The following STAU2 variants were observed in gnomAD, a reference collection of about 807,000 sequenced individuals.
The protein encoded by STAU2 is double-stranded RNA-binding protein Staufen homolog 2.
In STAU2, 20 loss-of-function variants were observed where a neutral mutation model predicts 65.9. That is an observed-to-expected ratio of 0.30 (90% CI 0.21 to 0.44). The LOEUF (loss-of-function observed/expected upper bound fraction) is 0.44, where lower values mean the gene tolerates loss of function less well. Among genes scored for constraint, STAU2 ranks in the 20% least tolerant of loss-of-function variants. The pLI is 1.00. For missense variants in STAU2, 558 were observed against 683.9 expected, an observed-to-expected ratio of 0.82 and a Z score of 2.05; for synonymous variants, 232 against 233.9, an observed-to-expected ratio of 0.99 and a Z score of 0.07.
chr8:73,547,666 T>C (rs540583645), intron 13 of STAU2, among the ~76,000 whole-genome samples: 104 of 151,796 alleles, frequency 6.9e-4, no homozygotes, highest in Non-Finnish European at 1.0e-4. Context: ...ATTTTTAAGA[T>C]TTTAATGGCA....
intron 13 of STAU2, among the ~76,000 whole-genome samples, chr8:73,497,104 A>AT (rs1821461686): frequency 1.3e-5 from 2 of 151,854 alleles, no homozygotes; most frequent in South Asian, 4.1e-4. Flanking sequence ...TTTTTCTAAC[A>AT]TTGAACAATC....
upstream of STAU2, chr8:73,747,395 G>A: frequency 6.5e-7 from 1 of 1,535,418 alleles, no homozygotes; most frequent in Non-Finnish European, 8.7e-7. Flanking sequence ...ACCTTTCCCA[G>A]GCTCTCCGGC....
intron 11 of STAU2, among the ~76,000 whole-genome samples, chr8:73,583,402 T>G (rs1810136456): frequency 6.6e-6 from 1 of 152,076 alleles, no homozygotes; most frequent in African/African-American, 2.4e-5. Flanking sequence ...CACTTTGGCC[T>G]CCCAAAGTGC....
intron 13 of STAU2, among the ~76,000 whole-genome samples, chr8:73,528,244 G>C (rs996816677): frequency 2.0e-5 from 3 of 152,148 alleles, no homozygotes; most frequent in African/African-American, 7.2e-5. Flanking sequence ...TATTTCTACA[G>C]TATAGTCCCT....
At chr8:73,494,620 T>C (rs1406466620) in intron 13 of STAU2, among the ~76,000 whole-genome samples, 2 of 151,760 alleles carry the variant, frequency 1.3e-5, no homozygotes, top group Non-Finnish European at 3.0e-5. Flanking sequence ...ACAATAAAAC[T>C]GGTTCTGCTT....
intron 14 of STAU2, among the ~76,000 whole-genome samples, chr8:73,422,080 C>T (rs550451447): frequency 3.9e-4 from 59 of 152,070 alleles, no homozygotes; most frequent in South Asian, 1.9e-3. Context: ...GAAATAATTA[C>T]GACAGCTGCA....
intron 13 of STAU2, among the ~76,000 whole-genome samples, chr8:73,529,316 C>T (rs1805648689): frequency 6.6e-6 from 1 of 152,148 alleles, no homozygotes; most frequent in Non-Finnish European, 1.5e-5. Flanking sequence ...AATGCTGGCA[C>T]TAAAATAATA....
intron 13 of STAU2, among the ~76,000 whole-genome samples, chr8:73,459,394 T>C (rs777676824): frequency 6.6e-6 from 1 of 152,198 alleles, no homozygotes; most frequent in Admixed American, 6.5e-5. Context: ...TCTATAGAAA[T>C]AGCCTTTGAG....
chr8:73,589,700 A>C (rs1563442528), intron 11 of STAU2, among the ~76,000 whole-genome samples: 1 of 152,210 alleles, frequency 6.6e-6, no homozygotes, highest in Non-Finnish European at 1.5e-5. Flanking sequence ...AAAATCCTAT[A>C]AGACAATACC....
chr8:73,545,978 T>C (rs549719689), intron 13 of STAU2, among the ~76,000 whole-genome samples: 2 of 151,594 alleles, frequency 1.3e-5, no homozygotes, highest in East Asian at 3.9e-4. Flanking sequence ...GGTCTTGCTC[T>C]GTCATCCAAG....
intron 3 of STAU2, among the ~76,000 whole-genome samples, chr8:73,709,842 C>A (rs578096633): frequency 1.3e-5 from 2 of 151,954 alleles, no homozygotes; most frequent in Non-Finnish European, 2.9e-5. Context: ...TTATCTTTTA[C>A]AGAGTATTGA....
chr8:73,701,952 T>C (rs1182896987), intron 4 of STAU2, among the ~76,000 whole-genome samples: 1 of 152,188 alleles, frequency 6.6e-6, no homozygotes, highest in African/African-American at 2.4e-5. Context: ...GACGTCACTA[T>C]GTTAAGTGAA....
chr8:73,631,279 A>G lies in STAU2; in HGVS notation c.411-13828T>C, dbSNP rs1283403077. Among the ~76,000 whole-genome samples the G allele has an allele frequency of 2.0e-5, 3 of 152,094 alleles. No individual in the cohort carries two copies. In the East Asian group the frequency reaches 5.8e-4, roughly 29 times the overall value. ...GGAGGCAGGAGCATTGCTTGAGCCC[A>G]GGAATTCAAGGGTACAGTGAGCTCA... On this transcript the variant is annotated intron_variant, in intron 6 of 14. Coordinates refer to ENST00000524300, the MANE Select transcript of STAU2 (RefSeq NM_001164380.2).
At chr8:73,582,644 T>C (rs532246436) in intron 12 of STAU2, 126 bp downstream of exon 12, 99 of 801,508 alleles carry the variant, frequency 1.2e-4, no homozygotes, top group Middle Eastern at 2.4e-4. Flanking sequence ...CCAGGACTCC[T>C]TTGTACCCTC....
intron 13 of STAU2, among the ~76,000 whole-genome samples, chr8:73,444,507 G>C (rs1429106298): frequency 5.9e-5 from 9 of 152,166 alleles, no homozygotes; most frequent in Admixed American, 5.9e-4. Flanking sequence ...AGGCTGAGGA[G>C]TGTAGCTGTG....
At chr8:73,494,370 GTATTCACTA>G (rs971328455) in intron 13 of STAU2, among the ~76,000 whole-genome samples, 2 of 151,554 alleles carry the variant, frequency 1.3e-5, no homozygotes, top group Admixed American at 6.6e-5. Flanking sequence ...AGGTATGTGG[GTATTCACTA>G]TAAAATTCCG....
chr8:73,739,515 T>C (rs1038978385), intron 2 of STAU2, among the ~76,000 whole-genome samples: 2 of 152,120 alleles, frequency 1.3e-5, no homozygotes, highest in Non-Finnish European at 2.9e-5. Context: ...AGTACACACA[T>C]ACATACACAA....
At chr8:73,572,676 G>A (rs976908619) in intron 12 of STAU2, among the ~76,000 whole-genome samples, 2 of 152,148 alleles carry the variant, frequency 1.3e-5, no homozygotes, top group Non-Finnish European at 2.9e-5. Flanking sequence ...ATGCAGAAAA[G>A]GCCTTTGACA....
chr8:73,669,309 C>A (rs1370993561), intron 6 of STAU2, among the ~76,000 whole-genome samples: 1 of 152,000 alleles, frequency 6.6e-6, no homozygotes, highest in African/African-American at 2.4e-5. Context: ...AAGGAAAAGT[C>A]CATATTATCT....
Sources: allele counts gnomAD v4.1 joint callset (sites outside exome capture counted in the v4.1 genomes callset), GRCh38; gene constraint gnomAD v4.1.1; transcripts MANE v1.5; gene names NCBI Gene and HGNC (gene_info 2026-07-23, HGNC 2026-07-21).